The following SLC35F3 variants were observed in gnomAD, a reference collection of about 807,000 sequenced individuals.
SLC35F3 encodes solute carrier family 35 member F3.
Under a neutral mutation model 49.9 loss-of-function variants are expected in SLC35F3, and 25 were observed. The ratio of observed to expected loss-of-function variants is 0.50; its 90% CI spans 0.37 to 0.70. SLC35F3 has a LOEUF of 0.70. Ranked by LOEUF, SLC35F3 falls within the 30% of genes least tolerant of loss-of-function variation. The probability of loss-of-function intolerance (pLI) is 0.00; values close to 1 mark genes in which losing one functional copy is unlikely to be tolerated. For missense variants in SLC35F3, 525 were observed against 639.8 expected (o/e 0.82, Z 1.94); for synonymous variants, 275 against 265.4 (o/e 1.04, Z -0.35).
chr1:234,309,485 T>A (rs1282290923), intron 4 of SLC35F3, among the ~76,000 whole-genome samples, 165 bp downstream of exon 4: 4 of 152,366 alleles, frequency 2.6e-5, no homozygotes, highest in Admixed American at 6.5e-5. Flanking sequence ...CGGTTCTTGG[T>A]GTGCCTTGCC....
intron 2 of SLC35F3, among the ~76,000 whole-genome samples, chr1:234,162,903 A>G (rs1317917239): frequency 6.6e-6 from 1 of 152,144 alleles, no homozygotes; most frequent in African/African-American, 2.4e-5. Flanking sequence ...ATTCTTCCTA[A>G]TTCATAGAGA....
intron 2 of SLC35F3, among the ~76,000 whole-genome samples, chr1:234,137,641 G>A: frequency 6.6e-6 from 1 of 152,192 alleles, no homozygotes; most frequent in Non-Finnish European, 1.5e-5. Context: ...TGAGTAAGAG[G>A]CATCTTCGTG....
intron 2 of SLC35F3, among the ~76,000 whole-genome samples, chr1:233,993,906 A>C (rs1450593156): frequency 6.6e-6 from 1 of 152,186 alleles, no homozygotes. Flanking sequence ...AACCTGCCGC[A>C]TGCTCAAATG....
intron 2 of SLC35F3, among the ~76,000 whole-genome samples, chr1:234,069,033 TTA>T (rs1399060637): frequency 8.1e-6 from 1 of 123,562 alleles, no homozygotes; most frequent in African/African-American, 3.2e-5. Flanking sequence ...ATATATAAAA[TTA>T]TATAATTTTA....
intron 3 of SLC35F3, among the ~76,000 whole-genome samples, chr1:234,234,974 C>T (rs1243718729): frequency 3.3e-5 from 5 of 152,108 alleles, no homozygotes; most frequent in South Asian, 4.1e-4. Flanking sequence ...ATGCTTTGTT[C>T]GTGAGCTGCC....
chr1:234,216,901 G>A (rs1667131030), intron 2 of SLC35F3, among the ~76,000 whole-genome samples: 1 of 152,110 alleles, frequency 6.6e-6, no homozygotes, highest in South Asian at 2.1e-4. Flanking sequence ...TCTGCCCCTC[G>A]GGGCCTCATA....
chr1:234,264,198 T>C (rs79118359), intron 3 of SLC35F3, among the ~76,000 whole-genome samples: 12,075 of 152,138 alleles, frequency 0.079, 906 homozygotes, highest in African/African-American at 0.2. Flanking sequence ...AGGATTAATA[T>C]CCAAATACCA....
At chr1:233,911,878 C>T (rs1661879997) in intron 2 of SLC35F3, among the ~76,000 whole-genome samples, 1 of 152,162 alleles carries the variant, frequency 6.6e-6, no homozygotes, top group South Asian at 2.1e-4. Context: ...AAGGAGAGTT[C>T]TCCCTGCTCT....
chr1:234,108,377 T>G (rs1445769042), intron 2 of SLC35F3, among the ~76,000 whole-genome samples: 1 of 95,722 alleles, frequency 1.0e-5, no homozygotes, highest in Non-Finnish European at 2.0e-5. Flanking sequence ...ATATATTATT[T>G]ATATATATAA....
chr1:234,124,021 C>A (rs963632224), intron 2 of SLC35F3, among the ~76,000 whole-genome samples: 3 of 152,180 alleles, frequency 2.0e-5, no homozygotes, highest in Admixed American at 6.5e-5. Flanking sequence ...CTGAAGGCAG[C>A]CATCTGTGAG....
At chr1:234,196,865 C>G (rs889236861) in intron 2 of SLC35F3, among the ~76,000 whole-genome samples, 1 of 152,156 alleles carries the variant, frequency 6.6e-6, no homozygotes. Context: ...TTGCTTGGAC[C>G]TGGGAGGCGG....
intron 2 of SLC35F3, among the ~76,000 whole-genome samples, chr1:233,969,460 G>T (rs1428831106): frequency 6.6e-6 from 1 of 152,062 alleles, no homozygotes; most frequent in Admixed American, 6.5e-5. Context: ...CTTCTCTCTG[G>T]TGCCGTTCCT....
At chr1:234,045,325 C>T (rs1205767621) in intron 2 of SLC35F3, among the ~76,000 whole-genome samples, 1 of 152,162 alleles carries the variant, frequency 6.6e-6, no homozygotes, top group Non-Finnish European at 1.5e-5. Flanking sequence ...TCTTAGTTAA[C>T]ATTTCCAATA....
chr1:234,033,684 C>A (rs1448393210), intron 2 of SLC35F3, among the ~76,000 whole-genome samples: 1 of 152,110 alleles, frequency 6.6e-6, no homozygotes, highest in Non-Finnish European at 1.5e-5. Context: ...GCTTTACTTC[C>A]AGATTCTCTG....
chr1:234,188,259 C>G (rs889426790), intron 2 of SLC35F3, among the ~76,000 whole-genome samples: 1 of 150,968 alleles, frequency 6.6e-6, no homozygotes, highest in Non-Finnish European at 1.5e-5. Flanking sequence ...AAAAGTCCTG[C>G]TTGCTTTCTC....
intron 3 of SLC35F3, among the ~76,000 whole-genome samples, chr1:234,264,966 C>A (rs1667958335): frequency 6.6e-6 from 1 of 152,206 alleles, no homozygotes; most frequent in African/African-American, 2.4e-5. Flanking sequence ...GGCTGCTTTA[C>A]TGGTTCCTCC....
At chr1:234,158,653 A>C (rs1187604077) in intron 2 of SLC35F3, among the ~76,000 whole-genome samples, 1 of 152,204 alleles carries the variant, frequency 6.6e-6, no homozygotes, top group African/African-American at 2.4e-5. Context: ...CTTCTGGTTT[A>C]ATATTTGCAT....
rs913255493 is a variant in SLC35F3, at chr1:234,214,087, G to C, written c.284-17330G>C. On this transcript the variant is annotated intron_variant, in intron 2 of 7. Transcript: ENST00000366618. The surrounding 1 kb of genome is among the most constrained non-coding windows in gnomAD (Gnocchi z 8.0). ...TAAAGGGCTTCTCAGAGAGGTGGTG[G>C]CCAGAGGCTGCAGTCAGGACCTGGC... The C allele has an allele frequency of 1.3e-6, 1 of 781,086 alleles. No homozygotes were observed. Among genetic ancestry groups the C allele is most frequent in the African/African-American group, 1.9e-5 (1 of 53,912 alleles). 48.4% of individuals were successfully genotyped at this position (781,086 alleles called of 1,614,324 possible).
chr1:234,113,320 G>A (rs1461050658), intron 2 of SLC35F3, among the ~76,000 whole-genome samples: 1 of 152,112 alleles, frequency 6.6e-6, no homozygotes, highest in African/African-American at 2.4e-5. Flanking sequence ...TTAAGCATTT[G>A]TTTTTTGTTT....
Sources: allele counts gnomAD v4.1 joint callset (sites outside exome capture counted in the v4.1 genomes callset), GRCh38; gene constraint gnomAD v4.1.1; non-coding constraint Gnocchi (gnomAD v3.1); transcripts MANE v1.5; gene names NCBI Gene and HGNC (gene_info 2026-07-23, HGNC 2026-07-21).